The following LMOD1 variants were observed in gnomAD, a reference collection of about 807,000 sequenced individuals.
LMOD1 encodes the protein leiomodin 1.
Under a neutral mutation model 36.5 loss-of-function variants are expected in LMOD1, and 8 were observed. The ratio of observed to expected loss-of-function variants is 0.22; its 90% CI spans 0.13 to 0.40. LMOD1 has a LOEUF of 0.40. Ranked by LOEUF, LMOD1 falls within the 10% of genes least tolerant of loss-of-function variation. The pLI is 1.00. For missense variants in LMOD1, 630 were observed against 751.1 expected, an observed-to-expected ratio of 0.84 and a Z score of 1.88; for synonymous variants, 284 against 288.7, an observed-to-expected ratio of 0.98 and a Z score of 0.17.
At chr1:201,931,163 C>G (rs1235149046) in intron 1 of LMOD1, among the ~76,000 whole-genome samples, 1 of 152,064 alleles carries the variant, frequency 6.6e-6, no homozygotes, top group Non-Finnish European at 1.5e-5. Flanking sequence ...CGTGTGGAGG[C>G]AGGAGAGAAA....
intron 1 of LMOD1, among the ~76,000 whole-genome samples, chr1:201,942,869 CATAA>C (rs1298398643): frequency 6.6e-6 from 1 of 152,034 alleles, no homozygotes; most frequent in Non-Finnish European, 1.5e-5. Context: ...AAATTTTTCC[CATAA>C]ATATTTATGT....
At chr1:201,938,397 G>A (rs1156525614) in intron 1 of LMOD1, among the ~76,000 whole-genome samples, 4 of 152,176 alleles carry the variant, frequency 2.6e-5, no homozygotes, top group Admixed American at 2.6e-4. Context: ...CCAAAGTGCT[G>A]GGATTACAGG....
In LMOD1 at chr1:201,901,559, T is replaced by C. The variant is rs1258765725; in HGVS notation, c.262-808A>G. Among the ~76,000 whole-genome samples the C allele has an allele frequency of 6.3e-5, 2 of 31,802 alleles. 1 individual carries two copies. The highest frequency in any genetic ancestry group is 9.2e-4 in the Admixed American group (2 of 2,176). The allele number at this position is 31,802 out of a possible 152,430, so 20.9% of individuals were successfully genotyped here. A position where few individuals can be genotyped will look rare whatever the true frequency, so the allele number is the denominator to read the frequency against. Reference sequence around the variant, plus strand: ...ATATATATATATATATATACATATATATATGTATATATATATATATATATA... The same window carrying C: ...ATATATATATATATATATACATATACATATGTATATATATATATATATATA... On this transcript the variant is annotated intron_variant, in intron 1 of 2. Transcript: ENST00000367288.
At chr1:201,903,905 A>G (rs1208127939) in intron 1 of LMOD1, among the ~76,000 whole-genome samples, 24 of 152,218 alleles carry the variant, frequency 1.6e-4, no homozygotes, top group Admixed American at 1.6e-3. Flanking sequence ...GGATCCAGAG[A>G]GATGATGAGT....
intron 1 of LMOD1, among the ~76,000 whole-genome samples, chr1:201,923,495 A>G (rs1416103830): frequency 1.3e-5 from 2 of 152,132 alleles, no homozygotes; most frequent in Non-Finnish European, 2.9e-5. Flanking sequence ...CTGAGGCAGG[A>G]GGATCCCTTG....
chr1:201,907,789 C>T (rs1681434011), intron 1 of LMOD1, among the ~76,000 whole-genome samples: 1 of 152,206 alleles, frequency 6.6e-6, no homozygotes, highest in Non-Finnish European at 1.5e-5. Flanking sequence ...AGCCATTCCA[C>T]CAAGAATCCT....
rs137961777 is a variant in LMOD1 at position 201,923,883 on chromosome 1, AAGAGAG to A, written c.261+22191_261+22196del. On this transcript the variant is annotated intron_variant, in intron 1 of 2. Coordinates refer to ENST00000367288, the MANE Select transcript of LMOD1 (RefSeq NM_012134.3). ...TGCTGTCTCAACAAGAAAGAAGAAA[AAGAGAG>A]AGAGAGAGAGAGAGGGAGGGAGAGA... 0.014 allele frequency among the ~76,000 whole-genome samples: 1,966 copies of A among 140,366 alleles called. 116 individuals carry two copies. In the East Asian group the frequency reaches 0.2, roughly 14 times the overall value. 92.1% of individuals were successfully genotyped at this position (140,366 alleles called of 152,430 possible).
intron 1 of LMOD1, among the ~76,000 whole-genome samples, chr1:201,940,474 G>A (rs1197667020): frequency 2.6e-5 from 4 of 151,600 alleles, no homozygotes; most frequent in African/African-American, 4.8e-5. Flanking sequence ...CATGAACCAC[G>A]GCACCCGGCC....
chr1:201,940,212 G>T (rs188512266), intron 1 of LMOD1, among the ~76,000 whole-genome samples: 1 of 142,406 alleles, frequency 7.0e-6, no homozygotes, highest in African/African-American at 2.6e-5. Flanking sequence ...TTTTGAGATG[G>T]AGTCTTGCTC....
chr1:201,904,188 T>A (rs954738765), intron 1 of LMOD1, among the ~76,000 whole-genome samples: 2 of 152,032 alleles, frequency 1.3e-5, no homozygotes, highest in Admixed American at 1.3e-4. Context: ...CAATTTAACC[T>A]TCTTTCTTTC....
At chr1:201,925,223 G>GAA (rs373791932) in intron 1 of LMOD1, among the ~76,000 whole-genome samples, 1 of 142,282 alleles carries the variant, frequency 7.0e-6, no homozygotes, top group African/African-American at 2.6e-5. Context: ...AAAAAAAAAA[G>GAA]AAAAAAAAAA....
chr1:201,922,975 C>T (rs745596774), intron 1 of LMOD1, among the ~76,000 whole-genome samples: 50 of 152,038 alleles, frequency 3.3e-4, no homozygotes, highest in Non-Finnish European at 1.5e-4. Flanking sequence ...CAGGTGCGCA[C>T]CACCATGCCC....
intron 1 of LMOD1, among the ~76,000 whole-genome samples, chr1:201,902,693 C>T (rs1179972067): frequency 3.3e-5 from 5 of 152,126 alleles, no homozygotes; most frequent in Non-Finnish European, 7.4e-5. Context: ...GATCCACCCA[C>T]CTCGGCCTCC....
chr1:201,911,398 C>T (rs1363444120), intron 1 of LMOD1, among the ~76,000 whole-genome samples: 2 of 152,328 alleles, frequency 1.3e-5, no homozygotes, highest in Non-Finnish European at 2.9e-5. Context: ...GGGGCAGTGG[C>T]TCACACCTAT....
chr1:201,916,858 G>A (rs1681620754), intron 1 of LMOD1, among the ~76,000 whole-genome samples: 2 of 152,200 alleles, frequency 1.3e-5, no homozygotes, highest in Admixed American at 1.3e-4. Flanking sequence ...ACTGCCTCCA[G>A]CTCCAGCATA....
chr1:201,923,902 AGG>A (rs1491529333), intron 1 of LMOD1, among the ~76,000 whole-genome samples: 50 of 133,244 alleles, frequency 3.8e-4, no homozygotes, highest in Middle Eastern at 3.9e-3. Flanking sequence ...AGAGAGAGAG[AGG>A]GAGGGAGAGA....
At chr1:201,926,474 G>A (rs1274669794) in intron 1 of LMOD1, among the ~76,000 whole-genome samples, 1 of 152,146 alleles carries the variant, frequency 6.6e-6, no homozygotes, top group African/African-American at 2.4e-5. Flanking sequence ...CTTGGAAAGT[G>A]TATTTATTGG....
chr1:201,915,475 C>T (rs867079252), intron 1 of LMOD1, among the ~76,000 whole-genome samples: 4 of 152,096 alleles, frequency 2.6e-5, no homozygotes, highest in Non-Finnish European at 5.9e-5. Flanking sequence ...TTATCTTCCC[C>T]CACTGCCTTG....
chr1:201,906,166 G>A (rs994034225), intron 1 of LMOD1, among the ~76,000 whole-genome samples: 2 of 148,264 alleles, frequency 1.3e-5, no homozygotes, highest in Non-Finnish European at 3.0e-5. Flanking sequence ...CAGTCTGTGT[G>A]GATCTGGAGC....
Sources: gnomAD v4.1 joint callset for allele counts (sites outside exome capture counted in the v4.1 genomes callset) on GRCh38, gnomAD v4.1.1 for gene constraint, MANE v1.5 for transcripts, NCBI Gene and HGNC (gene_info 2026-07-23, HGNC 2026-07-21) for gene names.